The following GRIA4 variants were observed in gnomAD, a reference collection of about 807,000 sequenced individuals.
GRIA4 encodes the protein glutamate receptor 4.
Under a neutral mutation model 104.0 loss-of-function variants are expected in GRIA4, and 34 were observed. That is an observed-to-expected ratio of 0.33 (90% CI 0.25 to 0.44). The LOEUF (loss-of-function observed/expected upper bound fraction) is 0.44. GRIA4 is among the 20% of genes least tolerant of loss of function. The pLI, the probability that GRIA4 is intolerant of heterozygous loss-of-function variation, is 1.00. For synonymous variants in GRIA4, 386 were observed against 381.9 expected (o/e 1.01, Z -0.13); for missense variants, 750 against 1,096.5 (o/e 0.68, Z 4.46).
Position 105,905,201 on chromosome 11 carries a change from G to T in GRIA4, c.1058G>T (p.Arg353Leu), listed in dbSNP as rs914753556. 2 of 1,584,666 alleles carry T rather than the reference G, an allele frequency of 1.3e-6. No homozygotes were observed. Among genetic ancestry groups the T allele is most frequent in the Non-Finnish European group, 1.7e-6 (2 of 1,153,840 alleles). The change falls in exon 9 of 17, where the codon CGA (arginine) becomes CTA (leucine). Residue 353 changes from arginine to leucine, a missense_variant. Coordinates refer to ENST00000282499, the MANE Select transcript of GRIA4 (RefSeq NM_000829.4). ...IDMERTLKQV[R>L]IQGLTGNVQF... ...GTGGTTTTCTTTTTCACTTAGGTTC[G>T]AATTCAAGGGCTGACAGGGAATGTT...
intron 5 of GRIA4, among the ~76,000 whole-genome samples, chr11:105,873,821 T>G (rs962538170): frequency 6.6e-5 from 10 of 152,192 alleles, no homozygotes; most frequent in Non-Finnish European, 1.0e-4. Context: ...TATTAGCCCT[T>G]TGTCAGATGG....
At chr11:105,975,660 C>T (rs669397) in intron 16 of GRIA4, among the ~76,000 whole-genome samples, 86,422 of 151,808 alleles carry the variant, frequency 0.57, 24,633 homozygotes, top group Middle Eastern at 0.63. Flanking sequence ...AGTCTTTGAA[C>T]TTCCAAGAGA....
intron 3 of GRIA4, among the ~76,000 whole-genome samples, chr11:105,615,637 T>C (rs1232979539): frequency 6.6e-6 from 1 of 151,822 alleles, no homozygotes; most frequent in Non-Finnish European, 1.5e-5. Context: ...AAATTTAATA[T>C]AGGCAACTTT....
chr11:105,881,491 C>T (rs1278933559), intron 5 of GRIA4, among the ~76,000 whole-genome samples: 2 of 152,116 alleles, frequency 1.3e-5, no homozygotes, highest in Admixed American at 1.3e-4. Flanking sequence ...ACTCTGTCAC[C>T]CAAAGGACCA....
chr11:105,827,704 T>C (rs1038737684), intron 4 of GRIA4, among the ~76,000 whole-genome samples: 12 of 152,068 alleles, frequency 7.9e-5, no homozygotes, highest in Non-Finnish European at 1.8e-4. Context: ...CTGCTGATTA[T>C]TTTATGATTT....
chr11:105,923,307 G>A (rs967475651), intron 11 of GRIA4, among the ~76,000 whole-genome samples: 8 of 152,126 alleles, frequency 5.3e-5, no homozygotes, highest in African/African-American at 1.9e-4. Context: ...GATTTTAGAG[G>A]TGGGGTGATT....
chr11:105,863,517 T>C (rs577325923), intron 5 of GRIA4, among the ~76,000 whole-genome samples: 2 of 152,244 alleles, frequency 1.3e-5, no homozygotes, highest in East Asian at 3.9e-4. Context: ...AGCTATTCAA[T>C]GTATATGAAA....
chr11:105,807,707 G>A (rs547017883), intron 4 of GRIA4, among the ~76,000 whole-genome samples: 1 of 151,688 alleles, frequency 6.6e-6, no homozygotes, highest in Admixed American at 6.6e-5. Context: ...CTGAGAAGTT[G>A]TTTGCTTGTG....
chr11:105,701,505 C>T (rs916719910), intron 3 of GRIA4, among the ~76,000 whole-genome samples: 3 of 151,984 alleles, frequency 2.0e-5, no homozygotes, highest in Non-Finnish European at 4.4e-5. Context: ...TTTTGAAGCA[C>T]AACACATCTA....
At chr11:105,806,699 C>T (rs753359135) in intron 4 of GRIA4, among the ~76,000 whole-genome samples, 1 of 151,206 alleles carries the variant, frequency 6.6e-6, no homozygotes, top group African/African-American at 2.4e-5. Context: ...CTTTTTAGTG[C>T]CTTATTTGTA....
At chr11:105,917,135 T>C (rs970692580) in intron 10 of GRIA4, among the ~76,000 whole-genome samples, 2 of 152,232 alleles carry the variant, frequency 1.3e-5, no homozygotes, top group Non-Finnish European at 2.9e-5. Context: ...AACTACTGCA[T>C]AATTTTCATC....
rs112773550 is a variant in GRIA4, at chr11:105,628,698, G to C, written c.247+16264G>C. On this transcript the variant is annotated intron_variant, in intron 3 of 16. Coordinates refer to ENST00000282499, the MANE Select transcript of GRIA4 (RefSeq NM_000829.4). ...CAGTCTTGGGCAGTTCTTTATAGCA[G>C]TGTGAGAACAGAATAATGCACATGC... Among the ~76,000 whole-genome samples the C allele has an allele frequency of 5.3e-3, 807 of 152,270 alleles. 13 individuals are homozygous for C. The highest frequency in any genetic ancestry group is 0.019 in the African/African-American group (780 of 41,548).
intron 4 of GRIA4, among the ~76,000 whole-genome samples, chr11:105,783,194 C>G (rs1941805520): frequency 6.6e-6 from 1 of 151,992 alleles, no homozygotes; most frequent in African/African-American, 2.4e-5. Context: ...CTTTTTCTCC[C>G]CAAACATATA....
intron 3 of GRIA4, among the ~76,000 whole-genome samples, chr11:105,667,416 T>A (rs768397849): frequency 6.6e-5 from 10 of 152,038 alleles, no homozygotes; most frequent in Admixed American, 1.3e-4. Context: ...TTTTGAAAAA[T>A]AGCTCAAAAA....
At chr11:105,777,624 A>G (rs543730958) in intron 4 of GRIA4, among the ~76,000 whole-genome samples, 1 of 152,178 alleles carries the variant, frequency 6.6e-6, no homozygotes, top group Non-Finnish European at 1.5e-5. Context: ...TATCTTTTCT[A>G]TAAAAAATTT....
At chr11:105,731,676 C>G (rs563942324) in intron 3 of GRIA4, among the ~76,000 whole-genome samples, 1 of 152,226 alleles carries the variant, frequency 6.6e-6, no homozygotes, top group Non-Finnish European at 1.5e-5. Flanking sequence ...CACATATACA[C>G]CATGGAATAC....
intron 3 of GRIA4, among the ~76,000 whole-genome samples, chr11:105,716,428 T>G (rs747077829): frequency 6.6e-6 from 1 of 152,176 alleles, no homozygotes; most frequent in Admixed American, 6.6e-5. Flanking sequence ...TGAACAATTT[T>G]AAATGATAAT....
At chr11:105,920,629 T>C (rs948952646) in intron 11 of GRIA4, among the ~76,000 whole-genome samples, 1 of 152,158 alleles carries the variant, frequency 6.6e-6, no homozygotes, top group Admixed American at 6.6e-5. Context: ...AAACAAAGGA[T>C]ATGAAGGGAG....
chr11:105,863,517 T>A (rs577325923), intron 5 of GRIA4, among the ~76,000 whole-genome samples: 17 of 152,244 alleles, frequency 1.1e-4, no homozygotes, highest in African/African-American at 3.9e-4. Context: ...AGCTATTCAA[T>A]GTATATGAAA....
Sources: allele counts gnomAD v4.1 joint callset (sites outside exome capture counted in the v4.1 genomes callset), GRCh38; gene constraint gnomAD v4.1.1; transcripts MANE v1.5; gene names NCBI Gene and HGNC (gene_info 2026-07-23, HGNC 2026-07-21).